Variants in DENND1A observed in about 807,000 individuals in gnomAD.
The protein encoded by DENND1A is DENN domain-containing protein 1A.
In DENND1A, 51 loss-of-function variants were observed where a neutral mutation model predicts 113.7. The observed-to-expected ratio is 0.45, with a 90% CI of 0.36 to 0.57. The LOEUF is 0.57. DENND1A is among the 20% of genes least tolerant of loss of function. The probability of loss-of-function intolerance (pLI) is 0.00; values close to 1 mark genes in which losing one functional copy is unlikely to be tolerated. For missense variants in DENND1A, 1,258 were observed against 1,395.9 expected (o/e 0.90, Z 1.57); for synonymous variants, 565 against 570.8 (o/e 0.99, Z 0.14).
chr9:123,884,571 T>C (rs1848747820), intron 1 of DENND1A, among the ~76,000 whole-genome samples: 1 of 152,126 alleles, frequency 6.6e-6, no homozygotes, highest in African/African-American at 2.4e-5. Flanking sequence ...CATATAGATC[T>C]ACTTGTAGCT....
chr9:123,868,465 C>T (rs1270704249), intron 2 of DENND1A, among the ~76,000 whole-genome samples: 2 of 152,224 alleles, frequency 1.3e-5, no homozygotes, highest in South Asian at 2.1e-4. Context: ...ATGTCCCATG[C>T]ATGGTGCACT....
Position 123,667,018 on chromosome 9 carries a change from G to A in DENND1A, c.507+8C>T. 6.3e-7 allele frequency: 1 copy of A among 1,585,062 alleles called. No individual in the cohort carries two copies. Among genetic ancestry groups the A allele is most frequent in the East Asian group, 2.3e-5 (1 of 42,958 alleles). On this transcript the variant is annotated splice_region_variant and intron_variant, in intron 8 of 23. Coordinates refer to ENST00000394215, the MANE Select transcript of DENND1A (RefSeq NM_001352964.2). ...AAATTTAATTTTTTCTTCTTCCCAAGTACTTACATTCTCAGGTATGCTGGG... is the reference window on the plus strand; with the variant it reads ...AAATTTAATTTTTTCTTCTTCCCAAATACTTACATTCTCAGGTATGCTGGG...
chr9:123,684,316 C>T (rs1197821466), intron 5 of DENND1A, among the ~76,000 whole-genome samples: 1 of 152,160 alleles, frequency 6.6e-6, no homozygotes, highest in Non-Finnish European at 1.5e-5. Context: ...TTCTGTCCCT[C>T]TCTTCAGAAG....
intron 22 of DENND1A, among the ~76,000 whole-genome samples, chr9:123,385,441 G>T (rs1322970642): frequency 1.3e-5 from 2 of 152,224 alleles, no homozygotes; most frequent in Admixed American, 1.3e-4. Context: ...GAGATTACAG[G>T]TGTGAGCCAT....
intron 5 of DENND1A, among the ~76,000 whole-genome samples, chr9:123,710,293 T>C (rs950311114): frequency 2.0e-5 from 3 of 152,196 alleles, no homozygotes; most frequent in Non-Finnish European, 2.9e-5. Context: ...TCCTGTTTTG[T>C]CTTTTTATGT....
chr9:123,416,771 G>T (rs2044762282), intron 19 of DENND1A, among the ~76,000 whole-genome samples: 1 of 152,202 alleles, frequency 6.6e-6, no homozygotes, highest in Admixed American at 6.5e-5. Flanking sequence ...ACATCTGGAG[G>T]GGAAGCAGAT....
intron 7 of DENND1A, among the ~76,000 whole-genome samples, chr9:123,668,905 T>C (rs889514721): frequency 2.0e-5 from 3 of 152,202 alleles, no homozygotes; most frequent in African/African-American, 2.4e-5. Context: ...CCAACTTCTA[T>C]ACCAAAGGGC....
At chr9:123,655,179 T>C (rs2062871209) in intron 8 of DENND1A, among the ~76,000 whole-genome samples, 1 of 152,204 alleles carries the variant, frequency 6.6e-6, no homozygotes, top group African/African-American at 2.4e-5. Flanking sequence ...TTTGTCAAGT[T>C]CTCCTGTATG....
intron 13 of DENND1A, among the ~76,000 whole-genome samples, chr9:123,538,473 T>C (rs886748844): frequency 7.9e-5 from 12 of 152,054 alleles, no homozygotes; most frequent in Non-Finnish European, 1.8e-4. Flanking sequence ...AAATGTCTGA[T>C]TCCAGGTTTG....
chr9:123,753,318 G>A (rs1021697916), intron 5 of DENND1A, among the ~76,000 whole-genome samples: 11 of 152,164 alleles, frequency 7.2e-5, no homozygotes, highest in African/African-American at 2.7e-4. Context: ...GCCCTAGTGG[G>A]GAGGAACAGA....
chr9:123,383,331 C>A (rs549167256), intron 23 of DENND1A, among the ~76,000 whole-genome samples: 5 of 152,356 alleles, frequency 3.3e-5, no homozygotes, highest in Non-Finnish European at 4.4e-5. Context: ...GGGATGGACG[C>A]AATCCCGGTT....
chr9:123,575,115 G>A (rs539480794), intron 12 of DENND1A, among the ~76,000 whole-genome samples: 1 of 152,338 alleles, frequency 6.6e-6, no homozygotes, highest in East Asian at 1.9e-4. Context: ...CCAGGGACCA[G>A]TTTCATGGAA....
chr9:123,713,352 C>T (rs538183273), intron 5 of DENND1A, among the ~76,000 whole-genome samples: 7 of 152,278 alleles, frequency 4.6e-5, no homozygotes, highest in Admixed American at 6.5e-5. Context: ...CAAGGAATCT[C>T]GATCCTTCAA....
intron 10 of DENND1A, among the ~76,000 whole-genome samples, chr9:123,616,022 T>C (rs902069869): frequency 1.3e-5 from 2 of 152,186 alleles, no homozygotes; most frequent in Non-Finnish European, 2.9e-5. Flanking sequence ...CTCTGTCTCC[T>C]GGGTTCAAGT....
chr9:123,446,913 GAA>G (rs1326138112), intron 18 of DENND1A, among the ~76,000 whole-genome samples: 1 of 152,178 alleles, frequency 6.6e-6, no homozygotes, highest in Non-Finnish European at 1.5e-5. Flanking sequence ...TGATACCGAA[GAA>G]AAAAGAGAAA....
Position 123,383,982 on chromosome 9 carries a change from C to T in DENND1A, c.1761-69G>A, listed in dbSNP as rs541314621. ...AGGGGAGGAGCAAGCGGACTCCAGC[C>T]CAAGCACATTGAGGGCTTGAGGGGT... On this transcript the variant is annotated intron_variant, in intron 22 of 23. Transcript: ENST00000394215. 11 of 1,556,518 alleles carry T rather than the reference C, an allele frequency of 7.1e-6. No individual in the cohort carries two copies. The South Asian group carries it at 9.6e-5, about 14-fold the overall frequency.
chr9:123,737,693 A>G (rs2068676371), intron 5 of DENND1A, among the ~76,000 whole-genome samples: 1 of 152,200 alleles, frequency 6.6e-6, no homozygotes, highest in East Asian at 1.9e-4. Flanking sequence ...CACTCTTTCC[A>G]GGGGTCTTAG....
intron 21 of DENND1A, among the ~76,000 whole-genome samples, chr9:123,402,094 G>T (rs2043517046): frequency 1.3e-5 from 2 of 152,210 alleles, no homozygotes; most frequent in Admixed American, 6.5e-5. Flanking sequence ...GCCATGCAGC[G>T]TTCTCTCCAT....
intron 19 of DENND1A, among the ~76,000 whole-genome samples, chr9:123,418,959 T>G (rs2044990673): frequency 1.3e-5 from 2 of 152,244 alleles, no homozygotes; most frequent in South Asian, 4.1e-4. Context: ...CAGTCCCCAG[T>G]GAAGGGGACA....
Sources: allele counts gnomAD v4.1 joint callset (sites outside exome capture counted in the v4.1 genomes callset), GRCh38; gene constraint gnomAD v4.1.1; transcripts MANE v1.5; gene names NCBI Gene and HGNC (gene_info 2026-07-23, HGNC 2026-07-21).